Variants in LRP2 observed in about 807,000 individuals in gnomAD.
LRP2 encodes low-density lipoprotein receptor-related protein 2.
In LRP2, 172 loss-of-function variants were observed where a neutral mutation model predicts 531.0. The observed-to-expected ratio is 0.32, with a 90% CI of 0.29 to 0.37. The LOEUF is 0.37. LRP2 is among the 10% of genes least tolerant of loss of function. The pLI is 1.00. For synonymous variants in LRP2, 1,992 were observed against 2,027.6 expected, an observed-to-expected ratio of 0.98 and a Z score of 0.47; for missense variants, 5,167 against 5,868.3, an observed-to-expected ratio of 0.88 and a Z score of 3.90.
intron 3 of LRP2, among the ~76,000 whole-genome samples, chr2:169,317,456 T>C (rs763389298): frequency 2.0e-5 from 3 of 152,178 alleles, no homozygotes; most frequent in Non-Finnish European, 2.9e-5. Flanking sequence ...GAGCAGCTTT[T>C]ATGCAATCAA....
intron 7 of LRP2, 146 bp downstream of exon 7, chr2:169,292,107 C>T: frequency 1.4e-6 from 1 of 695,888 alleles, no homozygotes. Context: ...TCCCCACCCA[C>T]TAAGTTCCTA....
chr2:169,228,366 A>G (rs1017696351), intron 31 of LRP2, among the ~76,000 whole-genome samples: 10 of 151,748 alleles, frequency 6.6e-5, no homozygotes, highest in Admixed American at 2.0e-4. Context: ...AAGAAATTAT[A>G]TTGAGATGAT....
chr2:169,174,893 C>G (rs1228103241), intron 55 of LRP2, among the ~76,000 whole-genome samples: 2 of 148,208 alleles, frequency 1.3e-5, no homozygotes, highest in East Asian at 3.9e-4. Flanking sequence ...GGGTGGAAAC[C>G]TCTCGTTTCC....
chr2:169,359,970 A>C (rs1304576497), intron 1 of LRP2, among the ~76,000 whole-genome samples: 1 of 151,974 alleles, frequency 6.6e-6, no homozygotes, highest in Admixed American at 6.5e-5. Context: ...CTAAAAATAC[A>C]AAATATTAGC....
chr2:169,350,680 C>T (rs369797109), intron 1 of LRP2, among the ~76,000 whole-genome samples: 5 of 143,674 alleles, frequency 3.5e-5, no homozygotes, highest in East Asian at 4.1e-4. Context: ...GCCAAGATCA[C>T]GCCTCTGCAC....
intron 19 of LRP2, among the ~76,000 whole-genome samples, chr2:169,247,929 A>T (rs1690076550): frequency 6.6e-6 from 1 of 152,222 alleles, no homozygotes; most frequent in Non-Finnish European, 1.5e-5. Flanking sequence ...AGACAGTCTG[A>T]ATCATTCCTG....
chr2:169,136,588 T>C (rs888956460), intron 76 of LRP2, among the ~76,000 whole-genome samples: 4 of 151,968 alleles, frequency 2.6e-5, no homozygotes, highest in Non-Finnish European at 5.9e-5. Flanking sequence ...CCTTGTGAAA[T>C]TCCTTTTCCT....
intron 50 of LRP2, 143 bp downstream of exon 50, chr2:169,185,360 A>C: frequency 1.4e-6 from 1 of 736,446 alleles, no homozygotes; most frequent in Admixed American, 2.5e-5. Context: ...AATATCAGAT[A>C]CAAAGCAGAA....
At position 169,276,013 on chromosome 2, in the gene LRP2, G is replaced by A. The variant is rs190907673; in HGVS notation, c.1773-775C>T. On this transcript the variant is annotated intron_variant, in intron 13 of 78. Coordinates refer to ENST00000649046, the MANE Select transcript of LRP2 (RefSeq NM_004525.3). ...AAACTCTTATTTTCTTTATTTTGGC[G>A]TAATACAAAGACCTCAAAGAAAAAT... Among the ~76,000 whole-genome samples, 534 of 151,878 alleles carry A rather than the reference G, an allele frequency of 3.5e-3. 4 individuals carry two copies. The highest frequency in any genetic ancestry group is 0.011 in the African/African-American group (459 of 41,420).
chr2:169,231,958 G>C (rs747222340), intron 30 of LRP2, 116 bp from the exon 31 acceptor site: 17 of 1,254,958 alleles, frequency 1.4e-5, no homozygotes, highest in Non-Finnish European at 1.8e-5. Context: ...GCTTAAGTAC[G>C]TTGTTACCTC....
chr2:169,347,405 T>C (rs1427397546), intron 1 of LRP2, among the ~76,000 whole-genome samples: 2 of 152,186 alleles, frequency 1.3e-5, no homozygotes, highest in Non-Finnish European at 2.9e-5. Context: ...CAGCTCTCAC[T>C]TGGTTGTTCA....
At chr2:169,194,997 C>T (rs1283739006) in intron 46 of LRP2, among the ~76,000 whole-genome samples, 4 of 152,166 alleles carry the variant, frequency 2.6e-5, no homozygotes, top group Non-Finnish European at 5.9e-5. Context: ...GCGTGAGCCA[C>T]CGCGCCTGGC....
intron 50 of LRP2, chr2:169,182,601 T>C: frequency 1.0e-6 from 1 of 985,392 alleles, no homozygotes; most frequent in Non-Finnish European, 1.2e-6. Context: ...ACTTTCCTCA[T>C]GCAGCATAAG....
At chr2:169,334,956 C>T (rs948356166) in intron 1 of LRP2, among the ~76,000 whole-genome samples, 2 of 152,182 alleles carry the variant, frequency 1.3e-5, no homozygotes, top group Non-Finnish European at 2.9e-5. Context: ...AAGAGTTGTT[C>T]CCCTACTATC....
At position 169,202,955 on chromosome 2, in the gene LRP2, T is replaced by G. The variant is rs2105327698; in HGVS notation, c.8010A>C (p.Pro2670=). ...GTGGACACTGGCACTCGGCACCATT[T>G]GGACCTGAAGAAAGATAATCCCAGA... ...GGCSHICAPG[P]NGAECQCPHE... is the part of the protein sequence containing the mutation. Residue 2670 remains proline (P), a synonymous_variant, in exon 43 of 79, where the codon CCA becomes CCC. Transcript: ENST00000649046. The G allele has an allele frequency of 6.2e-7, 1 of 1,614,100 alleles. No individual in the cohort carries two copies. Among genetic ancestry groups the G allele is most frequent in the East Asian group, 2.2e-5 (1 of 44,886 alleles).
Position 169,207,011 on chromosome 2 carries a change from G to C in LRP2, c.6709C>G (p.Arg2237Gly). Reference protein sequence around the residue: ...VLVSEGIVTPRGLAVDRSDGY... With the variant: ...VLVSEGIVTPGGLAVDRSDGY... Reference sequence around the variant, plus strand: ...TCACTTCGGTCCACTGCCAAGCCCCGTGGTGTGACAATGCCCTCTGACACA... The same window carrying C: ...TCACTTCGGTCCACTGCCAAGCCCCCTGGTGTGACAATGCCCTCTGACACA... The change falls in exon 39 of 79, where the codon CGG becomes GGG. Residue 2237 changes from arginine to glycine, a missense_variant. By Grantham distance (125) the Arg-to-Gly change is moderately radical. Transcript: ENST00000649046. 1 of 1,614,148 alleles carries C rather than the reference G, an allele frequency of 6.2e-7. No individual in the cohort carries two copies. The highest frequency in any genetic ancestry group is 1.3e-5 in the African/African-American group (1 of 75,040).
rs1032859494 is a variant in LRP2, at chr2:169,261,168, T to C, written c.2321-1951A>G. Among the ~76,000 whole-genome samples, 10 of 151,860 alleles carry C rather than the reference T, an allele frequency of 6.6e-5. No homozygotes were observed. In the East Asian group the frequency reaches 1.9e-3, roughly 30 times the overall value. ...AAGGGGTTATCACTAAAGAGGAACA[T>C]GGAGTGAAGGGTAAGTTGCATATTT... On this transcript the variant is annotated intron_variant, in intron 16 of 78. Transcript: ENST00000649046.
In LRP2 at chr2:169,235,531, G is replaced by A. The variant is rs975173997; in HGVS notation, c.4920+309C>T. ...TGGGATCACAGGCGTGAGCCACCGC[G>A]CCCGGCCACCTGACACAATTTTTAA... On this transcript the variant is annotated intron_variant, in intron 29 of 78. Coordinates refer to ENST00000649046, the MANE Select transcript of LRP2 (RefSeq NM_004525.3). Among the ~76,000 whole-genome samples the A allele has an allele frequency of 5.9e-5, 9 of 152,218 alleles. No individual in the cohort carries two copies. In the South Asian group the frequency reaches 1.2e-3, roughly 21 times the overall value.
chr2:169,215,788 T>TATAGGAA (rs1471918473), intron 35 of LRP2, among the ~76,000 whole-genome samples: 1 of 148,176 alleles, frequency 6.7e-6, no homozygotes, highest in African/African-American at 2.5e-5. Flanking sequence ...ATATATAGAA[T>TATAGGAA]CTATATAGAT....
Sources: gnomAD v4.1 joint callset for allele counts (sites outside exome capture counted in the v4.1 genomes callset) on GRCh38, gnomAD v4.1.1 for gene constraint, MANE v1.5 for transcripts, NCBI Gene and HGNC (gene_info 2026-07-23, HGNC 2026-07-21) for gene names.